Variants in RAPGEF5 observed in about 807,000 individuals in gnomAD.
RAPGEF5 encodes M-Ras-regulated GEF.
Under a neutral mutation model 125.2 loss-of-function variants are expected in RAPGEF5, and 65 were observed. The observed-to-expected ratio is 0.52, with a 90% CI of 0.43 to 0.64. The LOEUF (loss-of-function observed/expected upper bound fraction) is 0.64. Among genes scored for constraint, RAPGEF5 ranks in the 30% least tolerant of loss-of-function variants. The probability of loss-of-function intolerance (pLI) is 0.00; values close to 1 mark genes in which losing one functional copy is unlikely to be tolerated. For missense variants in RAPGEF5, 958 were observed against 1,048.1 expected (o/e 0.91, Z 1.19); for synonymous variants, 391 against 385.9 (o/e 1.01, Z -0.16).
intron 6 of RAPGEF5, among the ~76,000 whole-genome samples, chr7:22,274,949 G>T (rs1048320621): frequency 6.6e-6 from 1 of 152,058 alleles, no homozygotes; most frequent in Non-Finnish European, 1.5e-5. Flanking sequence ...CTTCTGGTCG[G>T]GTCTTCAGTA....
intron 7 of RAPGEF5, among the ~76,000 whole-genome samples, chr7:22,257,302 T>C (rs1323410090): frequency 2.6e-5 from 4 of 152,194 alleles, no homozygotes; most frequent in Admixed American, 6.5e-5. Context: ...ATAAGAAGCA[T>C]ACATAGAAAA....
chr7:22,351,753 C>T (rs961629197), intron 1 of RAPGEF5, among the ~76,000 whole-genome samples: 9 of 152,084 alleles, frequency 5.9e-5, no homozygotes, highest in African/African-American at 1.2e-4. Flanking sequence ...CCTAAAACGG[C>T]GATACATTGG....
intron 21 of RAPGEF5, among the ~76,000 whole-genome samples, chr7:22,137,204 G>T (rs1783106244): frequency 6.6e-6 from 1 of 152,188 alleles, no homozygotes; most frequent in African/African-American, 2.4e-5. Flanking sequence ...TAAAATAACA[G>T]CCACATGATT....
rs767756453 is a variant in RAPGEF5 at position 22,193,560 on chromosome 7, C to T, written c.1116-105G>A. The T allele has an allele frequency of 1.6e-5, 25 of 1,551,624 alleles. 1 individual carries two copies. In the South Asian group the frequency reaches 3.0e-4, roughly 18 times the overall value. ...CCTCGTCGATGTATTTGAAATAAGG[C>T]ACATCGAAGGTAGGCAAGGGCAGCT... is the stretch of plus-strand genomic sequence containing the variant. On this transcript the variant is annotated intron_variant, in intron 10 of 25. Coordinates refer to ENST00000665637, the MANE Select transcript of RAPGEF5 (RefSeq NM_012294.5).
intron 12 of RAPGEF5, 119 bp from the exon 13 acceptor site, chr7:22,162,660 T>C (rs1784043632): frequency 5.9e-6 from 6 of 1,012,220 alleles, no homozygotes; most frequent in Admixed American, 2.4e-5. Context: ...GCAGGAAGAA[T>C]AGAATATGCG....
At chr7:22,143,626 CAG>C (rs1273472952) in intron 20 of RAPGEF5, among the ~76,000 whole-genome samples, 4 of 152,230 alleles carry the variant, frequency 2.6e-5, no homozygotes, top group African/African-American at 9.6e-5. Flanking sequence ...TGGCCTCCCA[CAG>C]AGAGTGTACT....
chr7:22,281,039 G>C (rs1023160960), intron 6 of RAPGEF5, among the ~76,000 whole-genome samples: 2 of 152,148 alleles, frequency 1.3e-5, no homozygotes, highest in Admixed American at 1.3e-4. Flanking sequence ...TTGGGAGAGA[G>C]AGCAAATGTG....
In RAPGEF5 at chr7:22,308,394, T is replaced by A; in HGVS notation, c.625A>T (p.Lys209Ter). Residue 209 changes from lysine (K) to a stop codon, truncating the protein, a stop_gained, in exon 5 of 26, where the codon AAG becomes TAG. Coordinates refer to ENST00000665637, the MANE Select transcript of RAPGEF5 (RefSeq NM_012294.5). LOFTEE classifies it high-confidence loss of function. Reference protein sequence around the residue: ...EREEEWQNGVKLLLQLVPLIP... With the variant: ...EREEEWQNGV ...AGAGGCACAAGTTGCAGTAAAAGCTTGACACCATTTTGCCATTCTTCTTCT... is the reference window on the plus strand; with the variant it reads ...AGAGGCACAAGTTGCAGTAAAAGCTAGACACCATTTTGCCATTCTTCTTCT... 1 of 1,588,100 alleles carries A rather than the reference T, an allele frequency of 6.3e-7. No individual in the cohort carries two copies. The highest frequency in any genetic ancestry group is 1.2e-5 in the South Asian group (1 of 86,776).
At chr7:22,191,853 G>A (rs914002120) in intron 11 of RAPGEF5, among the ~76,000 whole-genome samples, 1 of 152,144 alleles carries the variant, frequency 6.6e-6, no homozygotes, top group Non-Finnish European at 1.5e-5. Context: ...ATGAAGCTAG[G>A]CCTGGGCAGG....
At position 22,162,556 on chromosome 7, in the gene RAPGEF5, GA is replaced by G. The variant is rs762636227; in HGVS notation, c.1284-16del. 1 of 1,593,664 alleles carries G rather than the reference GA, an allele frequency of 6.3e-7. No homozygotes were observed. Among genetic ancestry groups the G allele is most frequent in the Non-Finnish European group, 8.6e-7 (1 of 1,167,320 alleles). On this transcript the variant is annotated splice_polypyrimidine_tract_variant and intron_variant, in intron 12 of 25. Transcript: ENST00000665637. ...TAGCAGAATAGGTGCAAATGGTTAA[GA>G]AAAAATTATATTGTTGAAAATTTTA...
intron 7 of RAPGEF5, among the ~76,000 whole-genome samples, chr7:22,241,130 C>G (rs2128136229): frequency 6.6e-6 from 1 of 152,336 alleles, no homozygotes; most frequent in East Asian, 1.9e-4. Context: ...AACCAGAAAA[C>G]TCAACAGGTC....
chr7:22,187,813 A>G (rs1784869025), intron 11 of RAPGEF5, among the ~76,000 whole-genome samples: 1 of 152,234 alleles, frequency 6.6e-6, no homozygotes, highest in South Asian at 2.1e-4. Flanking sequence ...ACCAATAGAA[A>G]CCTAGAATTG....
chr7:22,318,701 T>C (rs1025842733), intron 1 of RAPGEF5, among the ~76,000 whole-genome samples: 1 of 152,192 alleles, frequency 6.6e-6, no homozygotes, highest in Non-Finnish European at 1.5e-5. Context: ...GTTAAAAGCC[T>C]TCCATCTTCC....
chr7:22,192,588 A>C (rs1262582703), intron 11 of RAPGEF5: 1 of 152,228 alleles, frequency 6.6e-6, no homozygotes, highest in Non-Finnish European at 1.5e-5. Flanking sequence ...CTACAGTCAG[A>C]GGCCTATTCA....
At chr7:22,350,978 C>A (rs1486801051) in intron 1 of RAPGEF5, among the ~76,000 whole-genome samples, 1 of 152,198 alleles carries the variant, frequency 6.6e-6, no homozygotes, top group African/African-American at 2.4e-5. Flanking sequence ...CCCTTCCTGG[C>A]AGATGCATGC....
At chr7:22,269,579 A>C (rs1331261278) in intron 6 of RAPGEF5, among the ~76,000 whole-genome samples, 1 of 152,248 alleles carries the variant, frequency 6.6e-6, no homozygotes, top group Non-Finnish European at 1.5e-5. Flanking sequence ...CAGAGAAGGC[A>C]TTCCCATCAT....
intron 7 of RAPGEF5, among the ~76,000 whole-genome samples, chr7:22,258,703 A>G (rs902559854): frequency 6.6e-6 from 1 of 151,908 alleles, no homozygotes; most frequent in Non-Finnish European, 1.5e-5. Context: ...ATAGACCCAA[A>G]TATAGTCAAT....
At chr7:22,132,951 T>G (rs558537370) in intron 23 of RAPGEF5, among the ~76,000 whole-genome samples, 1 of 152,104 alleles carries the variant, frequency 6.6e-6, no homozygotes, top group Non-Finnish European at 1.5e-5. Flanking sequence ...GGAGGCTGGC[T>G]CCCCCTCACC....
At chr7:22,291,612 C>A (rs1392254555) in intron 5 of RAPGEF5, among the ~76,000 whole-genome samples, 1 of 152,122 alleles carries the variant, frequency 6.6e-6, no homozygotes, top group Non-Finnish European at 1.5e-5. Flanking sequence ...TAAATGGAAT[C>A]CAGATTTTGA....
Sources: gnomAD v4.1 joint callset for allele counts (sites outside exome capture counted in the v4.1 genomes callset) on GRCh38, gnomAD v4.1.1 for gene constraint, MANE v1.5 for transcripts, NCBI Gene and HGNC (gene_info 2026-07-23, HGNC 2026-07-21) for gene names.